The following KLHL12 variants were observed in gnomAD, a reference collection of about 807,000 sequenced individuals.
The protein encoded by KLHL12 is kelch like family member 12, also known as kelch-like protein 12.
In KLHL12, 17 loss-of-function variants were observed where a neutral mutation model predicts 60.8. That is an observed-to-expected ratio of 0.28 (90% CI 0.19 to 0.42). KLHL12 has a LOEUF of 0.42. KLHL12 is among the 10% of genes least tolerant of loss of function. The pLI is 1.00. For synonymous variants in KLHL12, 220 were observed against 250.9 expected, an observed-to-expected ratio of 0.88 and a Z score of 1.16; for missense variants, 468 against 722.3, an observed-to-expected ratio of 0.65 and a Z score of 4.04.
At position 202,909,600 on chromosome 1, in the gene KLHL12, T is replaced by G. The variant is rs938251206; in HGVS notation, c.718-476A>C. ...ATTACCATTGTCTATTTCTGACAGCTCTGTACTGGACATCTTTCATTTGCC... is the reference window on the plus strand; with the variant it reads ...ATTACCATTGTCTATTTCTGACAGCGCTGTACTGGACATCTTTCATTTGCC... On this transcript the variant is annotated intron_variant, in intron 5 of 11. Transcript: ENST00000367261. The surrounding 1 kb of genome is among the most constrained non-coding windows in gnomAD (Gnocchi z 4.1). Among the ~76,000 whole-genome samples, 5 of 152,190 alleles carry G rather than the reference T, an allele frequency of 3.3e-5. No individual in the cohort carries two copies. Among genetic ancestry groups the G allele is most frequent in the Non-Finnish European group, 7.3e-5 (5 of 68,032 alleles).
chr1:202,927,541 A>AAAAAAAAAAAC, upstream of KLHL12, among the ~76,000 whole-genome samples: 1 of 146,760 alleles, frequency 6.8e-6, no homozygotes. Flanking sequence ...AAAAAAAAAA[A>AAAAAAAAAAAC]TTAGCCCGCA....
intron 4 of KLHL12, chr1:202,912,664 C>G: frequency 7.7e-7 from 1 of 1,302,140 alleles, no homozygotes; most frequent in Non-Finnish European, 1.1e-6. Flanking sequence ...TCTGCCAAAC[C>G]ACGAAACCAA....
intron 5 of KLHL12, among the ~76,000 whole-genome samples, chr1:202,910,526 C>T (rs1311788742): frequency 6.6e-6 from 1 of 152,056 alleles, no homozygotes; most frequent in African/African-American, 2.4e-5. Context: ...AATGCTCCCT[C>T]GAAGTATGGT....
chr1:202,916,105 G>C (rs1454232339), intron 4 of KLHL12, among the ~76,000 whole-genome samples: 2 of 152,078 alleles, frequency 1.3e-5, no homozygotes, highest in Non-Finnish European at 2.9e-5. Context: ...TATGTTTTTT[G>C]GCTATGCCTG....
At chr1:202,928,470 G>C, upstream of KLHL12, 1 of 1,295,682 alleles carries the variant, frequency 7.7e-7, no homozygotes, top group South Asian at 1.2e-5. Flanking sequence ...ATTGCAGCAA[G>C]TATGTTTTAC....
At chr1:202,904,745 C>T (rs569619188) in intron 6 of KLHL12, among the ~76,000 whole-genome samples, 6 of 152,196 alleles carry the variant, frequency 3.9e-5, no homozygotes, top group African/African-American at 1.2e-4. Flanking sequence ...TGCTGTGACA[C>T]GTTGTTAGAG....
At chr1:202,910,097 T>C (rs987990034) in intron 5 of KLHL12, among the ~76,000 whole-genome samples, 2 of 152,220 alleles carry the variant, frequency 1.3e-5, no homozygotes, top group African/African-American at 2.4e-5. Context: ...TAAACACTTA[T>C]GTACAAAGAC....
intron 6 of KLHL12, 98 bp downstream of exon 6, chr1:202,908,912 G>C: frequency 1.3e-6 from 1 of 741,326 alleles, no homozygotes; most frequent in African/African-American, 1.8e-5. Context: ...CTGAAACGAG[G>C]TGTCTGTACT....
Position 202,911,042 on chromosome 1 carries a change from T to C in KLHL12, c.717+12A>G, listed in dbSNP as rs1241839252. The C allele has an allele frequency of 6.2e-7, 1 of 1,613,556 alleles. No individual in the cohort carries two copies. Among genetic ancestry groups the C allele is most frequent in the Non-Finnish European group, 8.5e-7 (1 of 1,179,698 alleles). ...TCAAGGTTTTGGATCCTGAGAGTGT[T>C]GCACTACTTACCTCAGCATCTATTA... is the stretch of plus-strand genomic sequence containing the variant. On this transcript the variant is annotated intron_variant, in intron 5 of 11. Transcript: ENST00000367261.
chr1:202,912,477 A>G, intron 4 of KLHL12: 1 of 898,218 alleles, frequency 1.1e-6, no homozygotes, highest in Non-Finnish European at 1.8e-6. Context: ...GGTGGTGGAT[A>G]TGGTGGCAGT....
At chr1:202,908,347 T>C (rs1017568002) in intron 6 of KLHL12, among the ~76,000 whole-genome samples, 5 of 152,226 alleles carry the variant, frequency 3.3e-5, no homozygotes, top group Non-Finnish European at 5.9e-5. Flanking sequence ...TTTGCTAAGA[T>C]AATAGCTAAT....
chr1:202,897,745 T>C (rs1310393753), intron 6 of KLHL12, among the ~76,000 whole-genome samples: 2 of 152,020 alleles, frequency 1.3e-5, no homozygotes, highest in African/African-American at 4.8e-5. Context: ...CTTTTTCTTT[T>C]TCTGAATTGA....
chr1:202,916,716 T>C (rs934300426), intron 4 of KLHL12, among the ~76,000 whole-genome samples: 2 of 152,134 alleles, frequency 1.3e-5, no homozygotes, highest in Admixed American at 1.3e-4. Flanking sequence ...TATGGAAGTA[T>C]ATTAGAGGCT....
intron 6 of KLHL12, among the ~76,000 whole-genome samples, chr1:202,904,771 A>G (rs1660130761): frequency 6.6e-6 from 1 of 152,214 alleles, no homozygotes; most frequent in Admixed American, 6.5e-5. Flanking sequence ...AGGCAGATGC[A>G]GGACTGCTAA....
At chr1:202,901,849 C>G (rs1660017512) in intron 6 of KLHL12, among the ~76,000 whole-genome samples, 1 of 152,074 alleles carries the variant, frequency 6.6e-6, no homozygotes, top group Non-Finnish European at 1.5e-5. Flanking sequence ...TTTATTTAGC[C>G]TGTTCAGCTT....
intron 1 of KLHL12, among the ~76,000 whole-genome samples, chr1:202,925,504 G>A (rs1046639142): frequency 6.6e-6 from 1 of 152,124 alleles, no homozygotes; most frequent in African/African-American, 2.4e-5. Context: ...TGTAAATCTT[G>A]ACAAGGTTCT....
rs1660343923 is a variant in KLHL12, at chr1:202,911,188, G to A, written c.583C>T (p.Pro195Ser). ...CAGTTGATGACAGCCTCAAAGACTG[G>A]CTCTTCAGAATCCACCTGTAAATGT... ...CDEIQVDSEE[P>S]VFEAVINWVK... The change falls in exon 5 of 12, where the codon CCA becomes TCA. Residue 195 changes from proline to serine, a missense_variant. Physicochemically the swap from Pro to Ser is moderately conservative, Grantham distance 74 (BLOSUM62 -1). This residue lies in a region of KLHL12 where 339 missense variants were observed against 525.0 expected (regional missense o/e 0.65). Transcript: ENST00000367261. The A allele has an allele frequency of 6.2e-7, 1 of 1,613,890 alleles. No homozygotes were observed. The highest frequency in any genetic ancestry group is 8.5e-7 in the Non-Finnish European group (1 of 1,179,990).
intron 8 of KLHL12, among the ~76,000 whole-genome samples, chr1:202,894,951 A>G (rs1406324132): frequency 6.6e-6 from 1 of 152,234 alleles, no homozygotes; most frequent in Non-Finnish European, 1.5e-5. Flanking sequence ...AAGCATTCAA[A>G]GACCACCTAG....
In KLHL12 at chr1:202,893,546, G is replaced by A. The variant is rs565534035; in HGVS notation, c.1394-121C>T. ...ACAGTAGATGAGGGATATGGAATGGGCCCACACGGGCCTAGAATAATCTAG... is the reference window on the plus strand; with the variant it reads ...ACAGTAGATGAGGGATATGGAATGGACCCACACGGGCCTAGAATAATCTAG... On this transcript the variant is annotated intron_variant, in intron 10 of 11. Coordinates refer to ENST00000367261, the MANE Select transcript of KLHL12 (RefSeq NM_021633.4). This position sits in a 1 kb window ranked among gnomAD's most constrained non-coding sequence, Gnocchi z 4.1. 23 of 736,502 alleles carry A rather than the reference G, an allele frequency of 3.1e-5. No individual in the cohort carries two copies. Among genetic ancestry groups the A allele is most frequent in the Non-Finnish European group, 4.0e-5 (18 of 449,132 alleles). The allele number at this position is 736,502 out of a possible 1,614,324, so 45.6% of individuals were successfully genotyped here.
Sources: allele counts gnomAD v4.1 joint callset (sites outside exome capture counted in the v4.1 genomes callset), GRCh38; gene constraint gnomAD v4.1.1; regional missense constraint gnomAD v4.1.1; non-coding constraint Gnocchi (gnomAD v3.1); transcripts MANE v1.5; gene names NCBI Gene and HGNC (gene_info 2026-07-23, HGNC 2026-07-21).